The following CACNA2D3 variants were observed in gnomAD, a reference collection of about 807,000 sequenced individuals.
The protein encoded by CACNA2D3 is calcium voltage-gated channel auxiliary subunit alpha2delta 3, also known as voltage-dependent calcium channel subunit alpha-2/delta-3.
In CACNA2D3, 60 loss-of-function variants were observed where a neutral mutation model predicts 160.6. The observed-to-expected ratio is 0.37, with a 90% CI of 0.30 to 0.46. The LOEUF (loss-of-function observed/expected upper bound fraction) is 0.46. Among genes scored for constraint, CACNA2D3 ranks in the 20% least tolerant of loss-of-function variants. The probability of loss-of-function intolerance (pLI) is 1.00; values close to 1 mark genes in which losing one functional copy is unlikely to be tolerated. For synonymous variants in CACNA2D3, 558 were observed against 492.9 expected (o/e 1.13, Z -1.75); for missense variants, 1,205 against 1,365.0 (o/e 0.88, Z 1.85).
At chr3:54,214,984 G>A (rs1200541774) in intron 2 of CACNA2D3, among the ~76,000 whole-genome samples, 1 of 152,218 alleles carries the variant, frequency 6.6e-6, no homozygotes, top group East Asian at 1.9e-4. Context: ...CCAGAGTAGG[G>A]GTCCTCAGAT....
At chr3:55,064,104 C>T (rs372134197) in intron 35 of CACNA2D3, among the ~76,000 whole-genome samples, 55 of 152,148 alleles carry the variant, frequency 3.6e-4, no homozygotes, top group African/African-American at 1.3e-3. Flanking sequence ...TGGTGGGGTG[C>T]GCAGCTCAGC....
intron 4 of CACNA2D3, among the ~76,000 whole-genome samples, chr3:54,479,824 AT>A (rs1337089446): frequency 2.0e-5 from 3 of 152,242 alleles, no homozygotes; most frequent in Non-Finnish European, 4.4e-5. Flanking sequence ...ATAGTAAAGC[AT>A]GCTCAGTGGG....
chr3:54,355,285 T>TG (rs1020960747), intron 3 of CACNA2D3, among the ~76,000 whole-genome samples: 4 of 152,218 alleles, frequency 2.6e-5, no homozygotes, highest in Non-Finnish European at 5.9e-5. Flanking sequence ...GAAGTGCAAC[T>TG]GGAGGCCATT....
At chr3:54,813,390 G>A (rs1703374772) in intron 13 of CACNA2D3, among the ~76,000 whole-genome samples, 1 of 152,180 alleles carries the variant, frequency 6.6e-6, no homozygotes, top group Non-Finnish European at 1.5e-5. Context: ...GATGAGAAGT[G>A]CCCAGGCTGG....
chr3:54,936,731 A>G (rs79238612), intron 27 of CACNA2D3, among the ~76,000 whole-genome samples: 3,248 of 152,204 alleles, frequency 0.021, 118 homozygotes, highest in African/African-American at 0.071. Flanking sequence ...ATCCTTGCAT[A>G]ATTAGAGAAA....
intron 35 of CACNA2D3, among the ~76,000 whole-genome samples, chr3:55,025,906 C>G (rs1203816074): frequency 2.0e-5 from 3 of 151,618 alleles, no homozygotes; most frequent in African/African-American, 7.3e-5. Context: ...CCCCGGGAGT[C>G]TGGGTGGGGA....
chr3:54,166,167 C>T (rs1280170559), intron 2 of CACNA2D3, among the ~76,000 whole-genome samples: 2 of 152,156 alleles, frequency 1.3e-5, no homozygotes, highest in African/African-American at 4.8e-5. Flanking sequence ...TTTCCTTTCA[C>T]ACTGTCTCAA....
chr3:54,884,605 A>G (rs1699881325), intron 21 of CACNA2D3, among the ~76,000 whole-genome samples: 1 of 152,204 alleles, frequency 6.6e-6, no homozygotes, highest in Non-Finnish European at 1.5e-5. Context: ...TGAAAGTGCA[A>G]TGAAACAGTT....
intron 5 of CACNA2D3, among the ~76,000 whole-genome samples, chr3:54,556,242 C>T (rs764883560): frequency 3.9e-5 from 6 of 152,040 alleles, no homozygotes; most frequent in Non-Finnish European, 8.8e-5. Flanking sequence ...GAGATGAGAT[C>T]GTCCCAAATT....
At chr3:54,198,032 G>C (rs1024614297) in intron 2 of CACNA2D3, among the ~76,000 whole-genome samples, 2 of 152,240 alleles carry the variant, frequency 1.3e-5, no homozygotes, top group African/African-American at 4.8e-5. Flanking sequence ...TAGCATGCGT[G>C]AAGTTCCAAG....
At chr3:54,976,641 T>C (rs1343301353) in intron 29 of CACNA2D3, among the ~76,000 whole-genome samples, 1 of 152,224 alleles carries the variant, frequency 6.6e-6, no homozygotes, top group African/African-American at 2.4e-5. Context: ...GTTACTATTA[T>C]TAGTGACAGT....
intron 4 of CACNA2D3, among the ~76,000 whole-genome samples, chr3:54,501,899 C>T (rs947351044): frequency 1.3e-5 from 2 of 152,198 alleles, no homozygotes; most frequent in Admixed American, 1.3e-4. Flanking sequence ...TCATGGGATA[C>T]AGAATTCTAG....
intron 11 of CACNA2D3, among the ~76,000 whole-genome samples, chr3:54,747,702 C>T (rs887299348): frequency 6.6e-6 from 1 of 152,108 alleles, no homozygotes; most frequent in Non-Finnish European, 1.5e-5. Flanking sequence ...TTCAATATCC[C>T]TGGAGCTTCC....
chr3:54,279,696 C>T (rs1424556488), intron 2 of CACNA2D3, among the ~76,000 whole-genome samples: 3 of 152,146 alleles, frequency 2.0e-5, no homozygotes, highest in African/African-American at 7.2e-5. Context: ...AGAGCTCTGG[C>T]TTAGTCCTAA....
chr3:54,711,550 G>A (rs1008331198), intron 11 of CACNA2D3, among the ~76,000 whole-genome samples: 3 of 152,192 alleles, frequency 2.0e-5, no homozygotes, highest in African/African-American at 7.2e-5. Context: ...AGGCACCTCT[G>A]TAGATCCCAT....
At chr3:54,304,825 A>G (rs1007116419) in intron 2 of CACNA2D3, among the ~76,000 whole-genome samples, 1 of 152,216 alleles carries the variant, frequency 6.6e-6, no homozygotes, top group African/African-American at 2.4e-5. Context: ...AAGCAAATTT[A>G]GAAAACTGGA....
intron 13 of CACNA2D3, among the ~76,000 whole-genome samples, chr3:54,772,633 T>C (rs1244285204): frequency 6.6e-6 from 1 of 152,166 alleles, no homozygotes; most frequent in Admixed American, 6.6e-5. Flanking sequence ...TGACTTAATG[T>C]TAACAACATT....
chr3:54,595,121 C>T (rs1471734163), intron 9 of CACNA2D3, among the ~76,000 whole-genome samples: 1 of 152,108 alleles, frequency 6.6e-6, no homozygotes, highest in African/African-American at 2.4e-5. Context: ...GATAATGTAT[C>T]CTTATGGAGC....
At chr3:54,221,837 A>T (rs1559886905) in intron 2 of CACNA2D3, among the ~76,000 whole-genome samples, 2 of 150,400 alleles carry the variant, frequency 1.3e-5, no homozygotes, top group Non-Finnish European at 3.0e-5. Context: ...GTTACTTTTT[A>T]TTTTTTTTTC....
Sources: gnomAD v4.1 joint callset for allele counts (sites outside exome capture counted in the v4.1 genomes callset) on GRCh38, gnomAD v4.1.1 for gene constraint, MANE v1.5 for transcripts, NCBI Gene and HGNC (gene_info 2026-07-23, HGNC 2026-07-21) for gene names.